Variants in EYS observed in about 807,000 individuals in gnomAD.
The protein encoded by EYS is EGF-like photoreceptor maintenance factor.
In EYS, 250 loss-of-function variants were observed where a neutral mutation model predicts 282.1. The ratio of observed to expected loss-of-function variants is 0.89; its 90% CI spans 0.80 to 0.98. The LOEUF (loss-of-function observed/expected upper bound fraction) is 0.98, where lower values mean the gene tolerates loss of function less well. EYS is among the 50% of genes least tolerant of loss of function. EYS has a pLI of 0.00. For synonymous variants in EYS, 1,355 were observed against 1,282.9 expected, an observed-to-expected ratio of 1.06 and a Z score of -1.20; for missense variants, 4,016 against 3,709.0, an observed-to-expected ratio of 1.08 and a Z score of -2.15.
chr6:65,277,235 C>G (rs1768073091), intron 12 of EYS, among the ~76,000 whole-genome samples: 1 of 151,874 alleles, frequency 6.6e-6, no homozygotes, highest in African/African-American at 2.4e-5. Flanking sequence ...GAGATCAAGA[C>G]CTTCCTGGCC....
intron 33 of EYS, among the ~76,000 whole-genome samples, chr6:64,048,176 G>T (rs1429928812): frequency 6.6e-6 from 1 of 152,170 alleles, no homozygotes; most frequent in Non-Finnish European, 1.5e-5. Context: ...AAAGTGCTGG[G>T]ATTACCGGTG....
Position 64,517,563 on chromosome 6 carries a change from C to T in EYS, c.5644+72660G>A, listed in dbSNP as rs144619743. Among the ~76,000 whole-genome samples, 459 of 151,802 alleles carry T rather than the reference C, an allele frequency of 3.0e-3. 2 individuals carry two copies. The highest frequency in any genetic ancestry group is 0.01 in the African/African-American group (426 of 41,464). ...ACATCAAGAGTTGTTGGAGAACAAG[C>T]GGACAAGAGCCTAGGTAGCAGAACA... On this transcript the variant is annotated intron_variant, in intron 26 of 42. Transcript: ENST00000503581.
At chr6:64,573,934 T>C (rs1296916298) in intron 26 of EYS, among the ~76,000 whole-genome samples, 2 of 151,810 alleles carry the variant, frequency 1.3e-5, no homozygotes, top group Non-Finnish European at 2.9e-5. Flanking sequence ...GGTTATATAC[T>C]CAAAGGATTA....
intron 5 of EYS, among the ~76,000 whole-genome samples, chr6:65,485,537 G>A (rs1474900719): frequency 6.6e-6 from 1 of 152,202 alleles, no homozygotes; most frequent in African/African-American, 2.4e-5. Context: ...GTGCGTGGTG[G>A]CTCACTCCTG....
intron 9 of EYS, among the ~76,000 whole-genome samples, chr6:65,348,534 A>T (rs573821936): frequency 5.3e-5 from 8 of 151,640 alleles, no homozygotes; most frequent in Non-Finnish European, 1.2e-4. Context: ...AGCCACATCT[A>T]TTTAGATCTT....
At chr6:64,337,924 C>G (rs973089522) in intron 29 of EYS, among the ~76,000 whole-genome samples, 3 of 152,008 alleles carry the variant, frequency 2.0e-5, no homozygotes, top group Non-Finnish European at 4.4e-5. Context: ...TGGCAAAATT[C>G]AGTATTGCTT....
chr6:65,148,170 C>G (rs1464157131), intron 12 of EYS, among the ~76,000 whole-genome samples: 2 of 152,104 alleles, frequency 1.3e-5, no homozygotes, highest in African/African-American at 2.4e-5. Context: ...AAAGGCTTAA[C>G]TGATTCCAGC....
chr6:65,409,761 T>C (rs1442885849), intron 5 of EYS, among the ~76,000 whole-genome samples: 7 of 152,118 alleles, frequency 4.6e-5, no homozygotes, highest in Admixed American at 2.6e-4. Flanking sequence ...GAAATACTTA[T>C]CTACAAAATA....
rs141050412 is a variant in EYS at position 65,476,491 on chromosome 6, G to A, written c.862+14103C>T. On this transcript the variant is annotated intron_variant, in intron 5 of 42. Coordinates refer to ENST00000503581, the MANE Select transcript of EYS (RefSeq NM_001142800.2). ...TTGATGGAAAATTCTCCTGAATTGTGGCATAATTTGAGTTCAAAATATATT... is the reference window on the plus strand; with the variant it reads ...TTGATGGAAAATTCTCCTGAATTGTAGCATAATTTGAGTTCAAAATATATT... Among the ~76,000 whole-genome samples the A allele has an allele frequency of 9.3e-4, 142 of 151,984 alleles. 1 individual carries two copies. In the East Asian group the frequency reaches 0.013, roughly 14 times the overall value.
chr6:64,063,510 C>T (rs776761955), intron 33 of EYS, among the ~76,000 whole-genome samples: 2 of 152,104 alleles, frequency 1.3e-5, no homozygotes, highest in Non-Finnish European at 2.9e-5. Flanking sequence ...GTCCAAGCCA[C>T]CATTATATCT....
chr6:64,241,657 T>TTGTGTGTGTGTGTGTG, intron 30 of EYS, among the ~76,000 whole-genome samples: 1 of 149,260 alleles, frequency 6.7e-6, no homozygotes, highest in Middle Eastern at 3.4e-3. Flanking sequence ...TTGAAGGTTT[T>TTGTGTGTGTGTGTGTG]TGTGTGTGTG....
At chr6:65,350,090 A>T (rs938030575) in intron 9 of EYS, among the ~76,000 whole-genome samples, 5 of 151,480 alleles carry the variant, frequency 3.3e-5, no homozygotes, top group African/African-American at 1.2e-4. Flanking sequence ...AAAACTTACT[A>T]TAAGTGATAT....
intron 41 of EYS, among the ~76,000 whole-genome samples, chr6:63,754,433 A>C (rs1331028471): frequency 6.6e-6 from 1 of 152,122 alleles, no homozygotes; most frequent in African/African-American, 2.4e-5. Flanking sequence ...ATGAGTGAGA[A>C]CATGTGGTGT....
chr6:64,331,044 T>A (rs1770628809), intron 29 of EYS, among the ~76,000 whole-genome samples: 1 of 152,278 alleles, frequency 6.6e-6, no homozygotes, highest in African/African-American at 2.4e-5. Context: ...AGGTGTCAGA[T>A]GGGCTGGATA....
At chr6:65,218,751 A>G (rs1391028584) in intron 12 of EYS, among the ~76,000 whole-genome samples, 1 of 152,152 alleles carries the variant, frequency 6.6e-6, no homozygotes, top group Non-Finnish European at 1.5e-5. Context: ...ATACTGTTAA[A>G]TATGTGTCAT....
chr6:64,493,638 A>G (rs1175100848), intron 26 of EYS, among the ~76,000 whole-genome samples: 2 of 151,414 alleles, frequency 1.3e-5, no homozygotes, highest in Non-Finnish European at 3.0e-5. Flanking sequence ...CAAGTTCTGT[A>G]TTCCATTGTA....
chr6:65,619,357 C>T (rs977803269), intron 2 of EYS, among the ~76,000 whole-genome samples: 100 of 152,048 alleles, frequency 6.6e-4, no homozygotes, highest in African/African-American at 2.4e-3. Context: ...CTCTGTTTGT[C>T]TGTTATTGGT....
chr6:65,705,230 A>G (rs1769832952), intron 1 of EYS, among the ~76,000 whole-genome samples: 1 of 152,192 alleles, frequency 6.6e-6, no homozygotes. Context: ...GGGAGCAATT[A>G]ACTCTTTGGC....
intron 31 of EYS, among the ~76,000 whole-genome samples, chr6:64,166,151 A>C (rs938820282): frequency 1.3e-5 from 2 of 152,204 alleles, no homozygotes; most frequent in Non-Finnish European, 2.9e-5. Flanking sequence ...TTAAATACTC[A>C]AGTTGCTTCA....
Sources: gnomAD v4.1 joint callset for allele counts (sites outside exome capture counted in the v4.1 genomes callset) on GRCh38, gnomAD v4.1.1 for gene constraint, MANE v1.5 for transcripts, NCBI Gene and HGNC (gene_info 2026-07-23, HGNC 2026-07-21) for gene names.